Variants in SNTG2 observed in about 807,000 individuals in gnomAD.
SNTG2 encodes syntrophin gamma 2, also known as gamma-2-syntrophin.
A neutral mutation model predicts 70.9 loss-of-function variants in SNTG2; 74 were observed. That is an observed-to-expected ratio of 1.04 (90% CI 0.86 to 1.27). The LOEUF (loss-of-function observed/expected upper bound fraction) is 1.27. Among genes scored for constraint, SNTG2 ranks in the 50% most tolerant of loss-of-function variants. SNTG2 has a pLI of 0.00. For missense variants in SNTG2, 717 were observed against 690.7 expected (o/e 1.04, Z -0.43); for synonymous variants, 278 against 273.8 (o/e 1.02, Z -0.15).
At chr2:1,099,743 C>T (rs955981498) in intron 4 of SNTG2, among the ~76,000 whole-genome samples, 2 of 141,790 alleles carry the variant, frequency 1.4e-5, no homozygotes, top group African/African-American at 2.7e-5. Flanking sequence ...TGTTTTGCTG[C>T]AGAGATTGCC....
chr2:1,163,152 G>C (rs1012328331), intron 6 of SNTG2: 1 of 152,192 alleles, frequency 6.6e-6, no homozygotes, highest in Non-Finnish European at 1.5e-5. Flanking sequence ...ACAGGAAGTG[G>C]GCGTGTGGAG....
chr2:1,248,789 G>A (rs1001243611), intron 12 of SNTG2, among the ~76,000 whole-genome samples: 5 of 152,206 alleles, frequency 3.3e-5, no homozygotes, highest in African/African-American at 4.8e-5. Flanking sequence ...TGAAGGGGCT[G>A]AGGTGTCGGA....
At chr2:970,537 C>A (rs564063442) in intron 1 of SNTG2, among the ~76,000 whole-genome samples, 3 of 142,618 alleles carry the variant, frequency 2.1e-5, no homozygotes, top group Admixed American at 7.1e-5. Flanking sequence ...TTTGTTCTTG[C>A]GATAGTTTAC....
intron 11 of SNTG2, 120 bp from the exon 12 acceptor site, chr2:1,247,207 C>T (rs1051381330): frequency 6.2e-5 from 38 of 608,080 alleles, no homozygotes; most frequent in Admixed American, 2.5e-4. Flanking sequence ...ACGTTTCTCC[C>T]GTCTCCTGAT....
At chr2:1,027,948 C>T (rs997765680) in intron 1 of SNTG2, among the ~76,000 whole-genome samples, 1 of 147,196 alleles carries the variant, frequency 6.8e-6, no homozygotes, top group African/African-American at 2.5e-5. Context: ...GTAACTCATG[C>T]ATCTCTGTTG....
chr2:1,060,486 C>A (rs941470848), intron 1 of SNTG2, among the ~76,000 whole-genome samples: 15 of 152,144 alleles, frequency 9.9e-5, no homozygotes, highest in Admixed American at 1.3e-4. Flanking sequence ...CAGCTCCCGG[C>A]TTTGGATTCT....
intron 4 of SNTG2, among the ~76,000 whole-genome samples, chr2:1,134,714 CCCTGCG>C (rs1668255020): frequency 6.6e-6 from 1 of 152,192 alleles, no homozygotes; most frequent in Non-Finnish European, 1.5e-5. Context: ...CCAGTCCTGC[CCCTGCG>C]CCCGCACTCC....
chr2:1,060,144 A>G (rs1662717401), intron 1 of SNTG2, among the ~76,000 whole-genome samples: 1 of 152,218 alleles, frequency 6.6e-6, no homozygotes, highest in Non-Finnish European at 1.5e-5. Flanking sequence ...CACCAAGACT[A>G]AAAGACTTTA....
chr2:1,126,755 G>C (rs191697908), intron 4 of SNTG2, among the ~76,000 whole-genome samples: 205 of 152,042 alleles, frequency 1.3e-3, no homozygotes, highest in African/African-American at 4.7e-3. Context: ...CATATATTTA[G>C]TCATTTTTCT....
intron 1 of SNTG2, among the ~76,000 whole-genome samples, chr2:1,073,579 A>C (rs1034960255): frequency 9.9e-5 from 15 of 152,240 alleles, no homozygotes; most frequent in Middle Eastern, 6.3e-3. Context: ...CATTATCGCA[A>C]TATCCACTTG....
intron 1 of SNTG2, among the ~76,000 whole-genome samples, chr2:953,279 A>C (rs1415089555): frequency 6.6e-6 from 1 of 152,212 alleles, no homozygotes; most frequent in Non-Finnish European, 1.5e-5. Flanking sequence ...CAATGTGCGA[A>C]GTGTGTCTTG....
chr2:1,200,038 C>T (rs949095923), intron 8 of SNTG2, among the ~76,000 whole-genome samples: 1 of 151,696 alleles, frequency 6.6e-6, no homozygotes, highest in East Asian at 1.9e-4. Context: ...TATGGAACCA[C>T]AAGAGAGCAT....
chr2:1,118,923 C>T (rs1215918148), intron 4 of SNTG2, among the ~76,000 whole-genome samples: 1 of 152,024 alleles, frequency 6.6e-6, no homozygotes, highest in African/African-American at 2.4e-5. Flanking sequence ...TCATGAAGCT[C>T]AAAGATCACC....
chr2:1,031,160 T>C lies in SNTG2; in HGVS notation c.73-52358T>C, dbSNP rs542890448. Among the ~76,000 whole-genome samples, 115 of 152,332 alleles carry C rather than the reference T, an allele frequency of 7.5e-4. 1 individual carries two copies. The South Asian group carries it at 8.7e-3, about 12-fold the overall frequency. On this transcript the variant is annotated intron_variant, in intron 1 of 16. Transcript: ENST00000308624. ...TTAACATATTTTGAAATGTTTACTTTAGGTAGCAAATATAAAAGCAGCCAC... is the reference window on the plus strand; with the variant it reads ...TTAACATATTTTGAAATGTTTACTTCAGGTAGCAAATATAAAAGCAGCCAC...
intron 9 of SNTG2, among the ~76,000 whole-genome samples, chr2:1,216,111 A>G (rs990276607): frequency 5.3e-5 from 8 of 152,158 alleles, no homozygotes; most frequent in African/African-American, 1.9e-4. Flanking sequence ...CTAGTTCTAG[A>G]TCCTTGAGGA....
At chr2:1,066,304 G>A (rs1207989074) in intron 1 of SNTG2, among the ~76,000 whole-genome samples, 1 of 152,114 alleles carries the variant, frequency 6.6e-6, no homozygotes, top group East Asian at 1.9e-4. Context: ...TGACAAATGA[G>A]GCAAAACTTC....
intron 12 of SNTG2, among the ~76,000 whole-genome samples, chr2:1,256,879 T>G (rs1678149905): frequency 6.6e-6 from 1 of 151,826 alleles, no homozygotes; most frequent in Non-Finnish European, 1.5e-5. Context: ...AGGAAAAGCC[T>G]CAGGGCTGGG....
At chr2:993,685 C>T (rs1275151153) in intron 1 of SNTG2, among the ~76,000 whole-genome samples, 1 of 152,108 alleles carries the variant, frequency 6.6e-6, no homozygotes, top group Non-Finnish European at 1.5e-5. Context: ...CATGTTACTA[C>T]TAAAACTTTG....
intron 6 of SNTG2, chr2:1,158,462 G>C (rs1670047067): frequency 6.6e-6 from 1 of 152,246 alleles, no homozygotes; most frequent in African/African-American, 2.4e-5. Flanking sequence ...CGTGGCATCA[G>C]GTGCCTGGCT....
Sources: gnomAD v4.1 joint callset for allele counts (sites outside exome capture counted in the v4.1 genomes callset) on GRCh38, gnomAD v4.1.1 for gene constraint, MANE v1.5 for transcripts, NCBI Gene and HGNC (gene_info 2026-07-23, HGNC 2026-07-21) for gene names.